SMAD1: variants seen among roughly 807,000 people sequenced by gnomAD.
SMAD1 encodes the protein SMAD family member 1.
Under a neutral mutation model 41.6 loss-of-function variants are expected in SMAD1, and 6 were observed. That is an observed-to-expected ratio of 0.14 (90% confidence interval 0.08 to 0.28). SMAD1 has a LOEUF of 0.28. Ranked by LOEUF, SMAD1 falls within the 10% of genes least tolerant of loss-of-function variation. The pLI, the probability that SMAD1 is intolerant of heterozygous loss-of-function variation, is 1.00. For missense variants in SMAD1, 379 were observed against 582.6 expected (o/e 0.65, Z 3.60); for synonymous variants, 206 against 203.2 (o/e 1.01, Z -0.12).
chr4:145,537,521 G>A (rs576990968), intron 2 of SMAD1, among the ~76,000 whole-genome samples: 7 of 152,240 alleles, frequency 4.6e-5, no homozygotes, highest in African/African-American at 1.7e-4. Context: ...AAAGTTCATA[G>A]AAGTTTTTAT....
chr4:145,489,352 C>A (rs1256081169), intron 1 of SMAD1, among the ~76,000 whole-genome samples: 1 of 152,040 alleles, frequency 6.6e-6, no homozygotes, highest in Non-Finnish European at 1.5e-5. Context: ...TTTGAACATG[C>A]AGTTTGCACT....
At chr4:145,522,094 T>TGAGGAGATTGA (rs371430741) in intron 2 of SMAD1, among the ~76,000 whole-genome samples, 3,690 of 144,320 alleles carry the variant, frequency 0.026, 142 homozygotes, top group African/African-American at 0.088. Flanking sequence ...GATCACGAGG[T>TGAGGAGATTGA]GACCATCCTG....
chr4:145,548,966 CAT>C (rs1460591761), intron 5 of SMAD1, among the ~76,000 whole-genome samples: 3 of 152,164 alleles, frequency 2.0e-5, no homozygotes, highest in African/African-American at 7.2e-5. Flanking sequence ...AAGGCCATAA[CAT>C]CACCTACGCA....
intron 1 of SMAD1, among the ~76,000 whole-genome samples, chr4:145,500,782 A>T (rs1027397192): frequency 1.3e-5 from 2 of 152,138 alleles, no homozygotes; most frequent in African/African-American, 4.8e-5. Flanking sequence ...TGTAAACCTC[A>T]TTTTTTTGGA....
At chr4:145,493,168 A>G (rs1313203466) in intron 1 of SMAD1, among the ~76,000 whole-genome samples, 1 of 152,192 alleles carries the variant, frequency 6.6e-6, no homozygotes, top group Non-Finnish European at 1.5e-5. Context: ...CGGGCCCTGA[A>G]GTGATATGCA....
chr4:145,494,888 T>A (rs1728980452), intron 1 of SMAD1, among the ~76,000 whole-genome samples: 1 of 152,158 alleles, frequency 6.6e-6, no homozygotes, highest in Non-Finnish European at 1.5e-5. Flanking sequence ...TTGCTTCCCC[T>A]TTTTTTCATT....
Position 145,532,275 on chromosome 4 carries a change from G to A in SMAD1, c.401-7529G>A, listed in dbSNP as rs1323529772. On this transcript the variant is annotated intron_variant, in intron 2 of 6. Coordinates refer to ENST00000302085, the MANE Select transcript of SMAD1 (RefSeq NM_005900.3). ...GCACAGTTTGAAAAGCAGAGTTAAC[G>A]TCACTGAGAAAAGGCAGAAATCTGA... Among the ~76,000 whole-genome samples, 8 of 152,266 alleles carry A rather than the reference G, an allele frequency of 5.3e-5. No individual in the cohort carries two copies. The East Asian group carries it at 1.3e-3, about 26-fold the overall frequency.
rs144238851 is a variant in SMAD1, at chr4:145,492,255, G to T, written c.-177+10217G>T. Among the ~76,000 whole-genome samples, 201 of 152,242 alleles carry T rather than the reference G, an allele frequency of 1.3e-3. 1 individual carries two copies. Among genetic ancestry groups the T allele is most frequent in the African/African-American group, 4.5e-3 (188 of 41,530 alleles). On this transcript the variant is annotated intron_variant, in intron 1 of 6. Transcript: ENST00000302085. ...TTGACTCTACCTGGAGATAGCCTCA[G>T]ATCCCACAGATTGAAGGTTCAGTCC... is the stretch of plus-strand genomic sequence containing the variant.
At chr4:145,506,846 T>C (rs1292369333) in intron 1 of SMAD1, among the ~76,000 whole-genome samples, 1 of 152,184 alleles carries the variant, frequency 6.6e-6, no homozygotes, top group Non-Finnish European at 1.5e-5. Flanking sequence ...ATTGGCTGAT[T>C]AGGCTTCCTT....
chr4:145,534,412 C>T (rs999306183), intron 2 of SMAD1, among the ~76,000 whole-genome samples: 7 of 151,838 alleles, frequency 4.6e-5, no homozygotes, highest in South Asian at 2.1e-4. Context: ...CTTTTTTTAC[C>T]GGAGGTAAAC....
chr4:145,508,432 T>C (rs1446699508), intron 1 of SMAD1, among the ~76,000 whole-genome samples: 1 of 152,136 alleles, frequency 6.6e-6, no homozygotes, highest in African/African-American at 2.4e-5. Context: ...CTATTCTATA[T>C]TTTATTTTCC....
chr4:145,520,216 A>G (rs1187412912), intron 2 of SMAD1, among the ~76,000 whole-genome samples: 1 of 152,212 alleles, frequency 6.6e-6, no homozygotes, highest in Non-Finnish European at 1.5e-5. Context: ...ACAACTGGGT[A>G]TATGTCCAAA....
At chr4:145,549,899 T>C (rs1264736684) in intron 5 of SMAD1, among the ~76,000 whole-genome samples, 1 of 152,194 alleles carries the variant, frequency 6.6e-6, no homozygotes, top group African/African-American at 2.4e-5. Flanking sequence ...TCTGTAAACC[T>C]CTGAAATTGT....
chr4:145,528,851 C>T (rs1015020904), intron 2 of SMAD1, among the ~76,000 whole-genome samples: 2 of 152,232 alleles, frequency 1.3e-5, no homozygotes, highest in African/African-American at 4.8e-5. Flanking sequence ...CAGTGCCAGG[C>T]TGCCTAGGTT....
At chr4:145,531,043 G>A (rs1731288101) in intron 2 of SMAD1, among the ~76,000 whole-genome samples, 1 of 152,156 alleles carries the variant, frequency 6.6e-6, no homozygotes, top group Admixed American at 6.5e-5. Flanking sequence ...AGGCATATAT[G>A]GTACCCAGTG....
At chr4:145,503,885 A>T (rs760335194) in intron 1 of SMAD1, 1 of 152,300 alleles carries the variant, frequency 6.6e-6, no homozygotes, top group Non-Finnish European at 1.5e-5. Flanking sequence ...GCGCCCTGCC[A>T]TGAAATGGTG....
chr4:145,485,765 TAGAG>T (rs1015023665), intron 1 of SMAD1, among the ~76,000 whole-genome samples: 11 of 152,342 alleles, frequency 7.2e-5, no homozygotes, highest in African/African-American at 2.4e-4. Context: ...TTTAGAGCCT[TAGAG>T]AGAAGAAATA....
chr4:145,530,188 A>G (rs1431350105), intron 2 of SMAD1, among the ~76,000 whole-genome samples: 1 of 152,236 alleles, frequency 6.6e-6, no homozygotes, highest in African/African-American at 2.4e-5. Context: ...TGCAGATGCT[A>G]CAATGAAAGT....
intron 2 of SMAD1, among the ~76,000 whole-genome samples, chr4:145,529,617 A>G (rs755254715): frequency 8.5e-5 from 13 of 152,244 alleles, no homozygotes; most frequent in Non-Finnish European, 1.6e-4. Context: ...TAAGCTTACT[A>G]TAAGGCCATG....
Sources: allele counts gnomAD v4.1 joint callset (sites outside exome capture counted in the v4.1 genomes callset), GRCh38; gene constraint gnomAD v4.1.1; transcripts MANE v1.5; gene names NCBI Gene and HGNC (gene_info 2026-07-23, HGNC 2026-07-21).